RIMS2: variants seen among roughly 807,000 people sequenced by gnomAD.
The protein encoded by RIMS2 is regulating synaptic membrane exocytosis protein 2.
Under a neutral mutation model 174.4 loss-of-function variants are expected in RIMS2, and 59 were observed. The observed-to-expected ratio is 0.34, with a 90% confidence interval of 0.27 to 0.42. The LOEUF is 0.42. Ranked by LOEUF, RIMS2 falls within the 10% of genes least tolerant of loss-of-function variation. The pLI, the probability that RIMS2 is intolerant of heterozygous loss-of-function variation, is 1.00. For missense variants in RIMS2, 1,620 were observed against 1,666.3 expected (o/e 0.97, Z 0.48); for synonymous variants, 606 against 572.5 (o/e 1.06, Z -0.84).
intron 19 of RIMS2, among the ~76,000 whole-genome samples, chr8:104,130,582 C>T (rs2098466469): frequency 6.6e-6 from 1 of 152,132 alleles, no homozygotes; most frequent in Non-Finnish European, 1.5e-5. Context: ...TCCCCCTCTT[C>T]AGAGATGAGA....
intron 19 of RIMS2, among the ~76,000 whole-genome samples, chr8:104,031,262 T>G (rs1439402107): frequency 6.6e-6 from 1 of 152,170 alleles, no homozygotes; most frequent in African/African-American, 2.4e-5. Flanking sequence ...TTTCAAAATT[T>G]CTACATTGTA....
Position 103,995,196 on chromosome 8 carries a change from A to G in RIMS2, c.3044+5775A>G, listed in dbSNP as rs949682114. Reference sequence around the variant, plus strand: ...AGAGAAGGCTCATCGTGAAAACAGTATAATTTTGATTTTACTTTTTAGTGC... The same window carrying G: ...AGAGAAGGCTCATCGTGAAAACAGTGTAATTTTGATTTTACTTTTTAGTGC... On this transcript the variant is annotated intron_variant, in intron 17 of 23. Transcript: ENST00000504942. 2.6e-5 allele frequency among the ~76,000 whole-genome samples: 4 copies of G among 152,270 alleles called. No homozygotes were observed. In the East Asian group the frequency reaches 7.7e-4, roughly 29 times the overall value.
intron 19 of RIMS2, among the ~76,000 whole-genome samples, chr8:104,186,815 G>A (rs2098970440): frequency 6.6e-6 from 1 of 151,642 alleles, no homozygotes; most frequent in Non-Finnish European, 1.5e-5. Flanking sequence ...TTGGCCTTTT[G>A]CCTATTCTAG....
chr8:103,551,762 C>T (rs1430269511), intron 1 of RIMS2, among the ~76,000 whole-genome samples: 2 of 152,000 alleles, frequency 1.3e-5, no homozygotes, highest in Non-Finnish European at 2.9e-5. Context: ...TCTCAGGATA[C>T]AAAAATCAAT....
chr8:104,197,520 A>G (rs1311745838), intron 19 of RIMS2, among the ~76,000 whole-genome samples: 5 of 152,210 alleles, frequency 3.3e-5, no homozygotes, highest in African/African-American at 4.8e-5. Flanking sequence ...AATAAGTTGT[A>G]TGTCTGCATC....
chr8:103,557,797 C>A (rs2090775114), intron 1 of RIMS2, among the ~76,000 whole-genome samples: 1 of 152,130 alleles, frequency 6.6e-6, no homozygotes, highest in African/African-American at 2.4e-5. Context: ...TTAGGCCTAA[C>A]CATGTACAAT....
intron 19 of RIMS2, among the ~76,000 whole-genome samples, chr8:104,215,900 T>C (rs868744595): frequency 6.6e-6 from 1 of 152,168 alleles, no homozygotes; most frequent in Non-Finnish European, 1.5e-5. Context: ...TAGGCATATA[T>C]AGTAGTTATT....
At chr8:104,204,213 C>T (rs757923072) in intron 19 of RIMS2, among the ~76,000 whole-genome samples, 8 of 152,200 alleles carry the variant, frequency 5.3e-5, no homozygotes, top group Non-Finnish European at 1.0e-4. Flanking sequence ...CAGTATTCTA[C>T]ATTGTGAACC....
intron 1 of RIMS2, among the ~76,000 whole-genome samples, chr8:103,612,912 G>T (rs2095418139): frequency 6.6e-6 from 1 of 152,186 alleles, no homozygotes; most frequent in Non-Finnish European, 1.5e-5. Context: ...GACAAATGGA[G>T]TCTCTCTCTG....
intron 1 of RIMS2, among the ~76,000 whole-genome samples, chr8:103,658,068 C>G (rs2096552976): frequency 6.6e-6 from 1 of 152,138 alleles, no homozygotes. Context: ...GGATCAAGGT[C>G]TAATTTTTAC....
At chr8:103,636,347 C>CTA (rs2096073249) in intron 1 of RIMS2, among the ~76,000 whole-genome samples, 2 of 152,140 alleles carry the variant, frequency 1.3e-5, no homozygotes, top group Admixed American at 6.5e-5. Context: ...TTGTAAGTAT[C>CTA]TATCACTCTG....
intron 1 of RIMS2, among the ~76,000 whole-genome samples, chr8:103,533,504 G>T (rs1159793467): frequency 6.6e-6 from 1 of 151,786 alleles, no homozygotes; most frequent in Non-Finnish European, 1.5e-5. Flanking sequence ...CATTAATTTA[G>T]TACAACCTGA....
chr8:103,804,018 C>A (rs1343384637), intron 3 of RIMS2, among the ~76,000 whole-genome samples: 2 of 152,108 alleles, frequency 1.3e-5, no homozygotes, highest in Non-Finnish European at 2.9e-5. Context: ...CCTATGGAAA[C>A]TGCAAGAAAA....
chr8:103,696,316 T>C (rs2097100364), intron 1 of RIMS2, among the ~76,000 whole-genome samples: 1 of 152,144 alleles, frequency 6.6e-6, no homozygotes, highest in Non-Finnish European at 1.5e-5. Flanking sequence ...TAGTGTTTTT[T>C]CTCTCTTTGG....
chr8:104,088,500 A>G (rs1417564675), intron 19 of RIMS2, among the ~76,000 whole-genome samples: 3 of 152,046 alleles, frequency 2.0e-5, no homozygotes, highest in African/African-American at 4.8e-5. Flanking sequence ...TGTGGTATTC[A>G]GGTATCCATG....
intron 1 of RIMS2, among the ~76,000 whole-genome samples, chr8:103,579,204 A>G (rs1465731285): frequency 6.6e-6 from 1 of 151,600 alleles, no homozygotes; most frequent in Non-Finnish European, 1.5e-5. Context: ...GGAGTTCAGG[A>G]CGAGGGCAGC....
intron 3 of RIMS2, among the ~76,000 whole-genome samples, chr8:103,853,198 GTA>G (rs2099009019): frequency 6.6e-6 from 1 of 151,778 alleles, no homozygotes; most frequent in African/African-American, 2.4e-5. Context: ...CATTTTTTTT[GTA>G]TGTTTGCTGG....
At chr8:103,650,496 G>A (rs946001970) in intron 1 of RIMS2, among the ~76,000 whole-genome samples, 7 of 152,184 alleles carry the variant, frequency 4.6e-5, no homozygotes, top group Admixed American at 2.0e-4. Flanking sequence ...TGGACTGTTC[G>A]TATTCTCCAA....
intron 2 of RIMS2, among the ~76,000 whole-genome samples, chr8:103,765,601 G>A (rs2098162264): frequency 6.6e-6 from 1 of 151,878 alleles, no homozygotes; most frequent in Non-Finnish European, 1.5e-5. Context: ...GATCAACAAA[G>A]CTTGTAGCTT....
Sources: gnomAD v4.1 joint callset for allele counts (sites outside exome capture counted in the v4.1 genomes callset) on GRCh38, gnomAD v4.1.1 for gene constraint, MANE v1.5 for transcripts, NCBI Gene and HGNC (gene_info 2026-07-23, HGNC 2026-07-21) for gene names.